The following DLG5 variants were observed in gnomAD, a reference collection of about 807,000 sequenced individuals.
The protein encoded by DLG5 is disks large homolog 5.
In DLG5, 48 loss-of-function variants were observed where a neutral mutation model predicts 189.8. That is an observed-to-expected ratio of 0.25 (90% CI 0.20 to 0.32). The LOEUF (loss-of-function observed/expected upper bound fraction) is 0.32, where lower values mean the gene tolerates loss of function less well. Among genes scored for constraint, DLG5 ranks in the 10% least tolerant of loss-of-function variants. DLG5 has a pLI of 1.00. For synonymous variants in DLG5, 1,016 were observed against 1,054.1 expected (o/e 0.96, Z 0.70); for missense variants, 2,160 against 2,544.7 (o/e 0.85, Z 3.25).
chr10:77,883,785 C>G (rs186884357), intron 1 of DLG5, among the ~76,000 whole-genome samples: 1 of 151,456 alleles, frequency 6.6e-6, no homozygotes, highest in East Asian at 1.9e-4. Flanking sequence ...CAACCTCCCC[C>G]TTCTGGGTTC....
Position 77,792,212 on chromosome 10 carries a change from TTTGTGTTAA to T in DLG5, c.*219_*227del. The T allele has an allele frequency of 3.5e-6, 2 of 576,292 alleles. No homozygotes were observed. The highest frequency in any genetic ancestry group is 6.2e-6 in the Non-Finnish European group (2 of 323,488). The allele number at this position is 576,292 out of a possible 1,614,324, so 35.7% of individuals were successfully genotyped here. ...TGAACCCGTCTTTAGTGTTATCTGT[TTTGTGTTAA>T]AGCACACGTGTGACACGGGCAGAGT... is the stretch of plus-strand genomic sequence containing the variant. On this transcript the variant is annotated 3_prime_UTR_variant, in exon 32 of 32. Coordinates refer to ENST00000372391, the MANE Select transcript of DLG5 (RefSeq NM_004747.4).
At chr10:77,937,131 G>C in the DLG5 span, among the ~76,000 whole-genome samples, 2 of 152,112 alleles carry the variant, frequency 1.3e-5, no homozygotes, top group Non-Finnish European at 2.9e-5. Flanking sequence ...ATTGCCTGCA[G>C]GGCATCCAGA....
chr10:77,885,951 T>C (rs1845424923), intron 1 of DLG5, among the ~76,000 whole-genome samples: 1 of 151,680 alleles, frequency 6.6e-6, no homozygotes, highest in East Asian at 1.9e-4. Context: ...AAGGCAAGAG[T>C]GCAGGAATCC....
At chr10:77,927,852 C>CT (rs1369103753), upstream of DLG5, 3 of 152,372 alleles carry the variant, frequency 2.0e-5, no homozygotes, top group South Asian at 2.1e-4. Context: ...AGCTGGAACT[C>CT]TGACTGCGCT....
In DLG5 at chr10:77,807,873, G is replaced by A. The variant is rs776480375; in HGVS notation, c.4719C>T (p.Gly1573=). ...VYVEMLKPRD[G]VRLKVQYRPE... is the part of the protein sequence containing the mutation. ...GGCGGTACTGCACCTTCAGGCGGAC[G>A]CCATCCCTGGGCTTCAGCATCTCCA... Residue 1573 remains glycine, a synonymous_variant, in exon 25 of 32, where the codon GGC becomes GGT. Transcript: ENST00000372391. The A allele has an allele frequency of 1.6e-5, 26 of 1,614,062 alleles. No individual in the cohort carries two copies. Among genetic ancestry groups the A allele is most frequent in the South Asian group, 3.3e-5 (3 of 91,084 alleles).
intron 1 of DLG5, among the ~76,000 whole-genome samples, chr10:77,903,943 G>T (rs924342295): frequency 6.6e-6 from 1 of 152,142 alleles, no homozygotes; most frequent in Non-Finnish European, 1.5e-5. Context: ...CATGGCTGAG[G>T]TTCTACTTGA....
At chr10:77,843,772 C>T in intron 5 of DLG5, 66 bp from the exon 6 acceptor site, 5 of 1,599,920 alleles carry the variant, frequency 3.1e-6, no homozygotes, top group Non-Finnish European at 3.4e-6. Flanking sequence ...CTCCCACTCT[C>T]ACTTTTGTCT....
intron 27 of DLG5, among the ~76,000 whole-genome samples, chr10:77,801,571 A>C (rs2154574980): frequency 6.6e-6 from 1 of 152,356 alleles, no homozygotes; most frequent in Middle Eastern, 3.4e-3. Context: ...ACACCACCAA[A>C]CTACAGATGT....
At chr10:77,862,725 C>T (rs1844519751) in intron 2 of DLG5, among the ~76,000 whole-genome samples, 1 of 152,152 alleles carries the variant, frequency 6.6e-6, no homozygotes, top group Non-Finnish European at 1.5e-5. Flanking sequence ...TATTACTCAG[C>T]AATGAAAAGG....
intron 21 of DLG5, 55 bp from the exon 22 acceptor site, chr10:77,812,112 G>A: frequency 6.2e-7 from 1 of 1,601,000 alleles, no homozygotes; most frequent in East Asian, 2.2e-5. Flanking sequence ...GGACAGGGAG[G>A]AGGCCCTGGG....
In DLG5 at chr10:77,812,383, GA is replaced by G; in HGVS notation, c.4026-7del. 6.2e-7 allele frequency: 1 copy of G among 1,603,122 alleles called. No individual in the cohort carries two copies. Among genetic ancestry groups the G allele is most frequent in the Non-Finnish European group, 8.5e-7 (1 of 1,170,844 alleles). On this transcript the variant is annotated splice_region_variant and splice_polypyrimidine_tract_variant and intron_variant, in intron 20 of 31. Transcript: ENST00000372391. ...GTGGCTCCTCCACATAAGGCCTAAG[GA>G]AAAGTCAAAAGTTTCGGGGACTCAG... is the stretch of plus-strand genomic sequence containing the variant.
chr10:77,846,236 A>G (rs1052377360), intron 5 of DLG5, among the ~76,000 whole-genome samples: 1 of 151,992 alleles, frequency 6.6e-6, no homozygotes, highest in African/African-American at 2.4e-5. Flanking sequence ...CAAGCGCGAG[A>G]CTTCGTCTCA....
At chr10:77,874,688 CA>C (rs911066001) in intron 1 of DLG5, among the ~76,000 whole-genome samples, 2 of 152,148 alleles carry the variant, frequency 1.3e-5, no homozygotes, top group African/African-American at 4.8e-5. Flanking sequence ...TAGAGAAATC[CA>C]AACCCCAAAA....
chr10:77,806,719 C>CCCCG (rs763838675), intron 26 of DLG5, 39 bp downstream of exon 26: 8 of 1,137,760 alleles, frequency 7.0e-6, no homozygotes, highest in South Asian at 1.2e-5. Flanking sequence ...CCCTCGGCGA[C>CCCCG]CCCTGCCCCA....
At chr10:77,895,138 T>G (rs1477966990) in intron 1 of DLG5, among the ~76,000 whole-genome samples, 1 of 152,140 alleles carries the variant, frequency 6.6e-6, no homozygotes, top group African/African-American at 2.4e-5. Flanking sequence ...CTGCTTCCCA[T>G]GGGAGGCTCA....
chr10:77,937,796 GCAACCTCC>G, the DLG5 span, among the ~76,000 whole-genome samples: 1 of 143,620 alleles, frequency 7.0e-6, no homozygotes, highest in Non-Finnish European at 1.5e-5. Context: ...TTGGCTCACT[GCAACCTCC>G]ACCTCCTGGG....
chr10:77,892,954 C>G (rs1407486265), intron 1 of DLG5, among the ~76,000 whole-genome samples: 1 of 152,246 alleles, frequency 6.6e-6, no homozygotes, highest in African/African-American at 2.4e-5. Context: ...GCAGTAGGTA[C>G]TGGGTCACTG....
At chr10:77,843,310 C>A (rs1843517232) in intron 6 of DLG5, 137 bp downstream of exon 6, 3 of 1,084,780 alleles carry the variant, frequency 2.8e-6, no homozygotes, top group Admixed American at 4.7e-5. Context: ...CATTCAGTGT[C>A]AAAAAAAAAT....
chr10:77,931,783 G>A, the DLG5 span, among the ~76,000 whole-genome samples: 1 of 152,120 alleles, frequency 6.6e-6, no homozygotes, highest in African/African-American at 2.4e-5. Flanking sequence ...CAGAGGAGCT[G>A]GACAGAAATG....
Sources: allele counts gnomAD v4.1 joint callset (sites outside exome capture counted in the v4.1 genomes callset), GRCh38; gene constraint gnomAD v4.1.1; transcripts MANE v1.5; gene names NCBI Gene and HGNC (gene_info 2026-07-23, HGNC 2026-07-21).